The following PTGR1 variants were observed in gnomAD, a reference collection of about 807,000 sequenced individuals.
PTGR1 encodes 15-oxoprostaglandin 13-reductase.
In PTGR1, 23 loss-of-function variants were observed where a neutral mutation model predicts 37.7. The observed-to-expected ratio is 0.61, with a 90% CI of 0.44 to 0.86. PTGR1 has a LOEUF of 0.86. Among genes scored for constraint, PTGR1 ranks in the 40% least tolerant of loss-of-function variants. PTGR1 has a pLI of 0.00. For missense variants in PTGR1, 351 were observed against 394.3 expected (o/e 0.89, Z 0.93); for synonymous variants, 134 against 140.0 (o/e 0.96, Z 0.30).
At chr9:111,550,931 T>A (rs2132279050) in intron 9 of PTGR1, among the ~76,000 whole-genome samples, 1 of 152,326 alleles carries the variant, frequency 6.6e-6, no homozygotes, top group East Asian at 1.9e-4. Flanking sequence ...GTTTTCTGTC[T>A]CTCACACTGG....
At chr9:111,594,999 C>T (rs1829736737) in intron 2 of PTGR1, among the ~76,000 whole-genome samples, 1 of 151,606 alleles carries the variant, frequency 6.6e-6, no homozygotes, top group Non-Finnish European at 1.5e-5. Flanking sequence ...GGATTACAGG[C>T]GCCCACCACT....
downstream of PTGR1, among the ~76,000 whole-genome samples, chr9:111,558,289 T>G (rs888572762): frequency 6.6e-6 from 1 of 152,214 alleles, no homozygotes; most frequent in Non-Finnish European, 1.5e-5. Context: ...GGAGCTCAAA[T>G]TTTCCATGAT....
At chr9:111,597,890 T>C (rs1342075447) in intron 1 of PTGR1, among the ~76,000 whole-genome samples, 2 of 151,858 alleles carry the variant, frequency 1.3e-5, no homozygotes, top group East Asian at 3.9e-4. Context: ...TAGATAGAAG[T>C]CCATGCACCT....
At chr9:111,551,494 G>A (rs1589281889) in intron 9 of PTGR1, among the ~76,000 whole-genome samples, 2 of 125,592 alleles carry the variant, frequency 1.6e-5, no homozygotes, top group South Asian at 2.8e-4. Context: ...TGCAACCTCC[G>A]CCTCCTGGGT....
chr9:111,551,412 T>G (rs868845865), intron 9 of PTGR1, among the ~76,000 whole-genome samples: 1,615 of 139,938 alleles, frequency 0.012, 17 homozygotes, highest in Non-Finnish European at 0.017. Context: ...TTTTTTTTTT[T>G]TTTTTTTTTT....
At chr9:111,561,402 A>G (rs1387840922), downstream of PTGR1, among the ~76,000 whole-genome samples, 1 of 152,002 alleles carries the variant, frequency 6.6e-6, no homozygotes, top group African/African-American at 2.4e-5. Context: ...CAGCCTCCCA[A>G]GTAGCTGGGA....
At chr9:111,589,718 ACCT>A (rs1244946810) in intron 4 of PTGR1, among the ~76,000 whole-genome samples, 1 of 151,984 alleles carries the variant, frequency 6.6e-6, no homozygotes, top group Non-Finnish European at 1.5e-5. Context: ...GCTCACTGCA[ACCT>A]CCTCCTTGGT....
intron 9 of PTGR1, 31 bp downstream of exon 9, chr9:111,570,060 A>C (rs1424693616): frequency 3.1e-6 from 5 of 1,613,302 alleles, no homozygotes; most frequent in Admixed American, 1.7e-5. Flanking sequence ...CCTAGTGTAC[A>C]ATTGGAAGGG....
At chr9:111,550,559 A>G (rs1827910311) in intron 9 of PTGR1, among the ~76,000 whole-genome samples, 1 of 152,154 alleles carries the variant, frequency 6.6e-6, no homozygotes. Flanking sequence ...AGAAGCTACA[A>G]GTGTTCAGAT....
Position 111,576,322 on chromosome 9 carries a change from A to G in PTGR1, c.652-1480T>C, listed in dbSNP as rs577995012. 2.1e-5 allele frequency: 34 copies of G among 1,604,658 alleles called. No homozygotes were observed. The African/African-American group carries it at 2.8e-4, about 13-fold the overall frequency. On this transcript the variant is annotated intron_variant, in intron 7 of 9. Coordinates refer to ENST00000407693, the MANE Select transcript of PTGR1 (RefSeq NM_001146108.2). ...ACTACTTGCTAAAATTTTATTTGTAACCTCAAACCAGTACTCACTAAGCTT... is the reference window on the plus strand; with the variant it reads ...ACTACTTGCTAAAATTTTATTTGTAGCCTCAAACCAGTACTCACTAAGCTT...
At chr9:111,583,691 G>A (rs923046323) in intron 5 of PTGR1, 102 bp from the exon 6 acceptor site, 11 of 917,174 alleles carry the variant, frequency 1.2e-5, no homozygotes, top group Non-Finnish European at 1.9e-5. Flanking sequence ...AGTGCCATGG[G>A]TCCAAGTAAA....
downstream of PTGR1, among the ~76,000 whole-genome samples, chr9:111,561,654 G>A (rs1389867743): frequency 6.6e-6 from 1 of 152,156 alleles, no homozygotes; most frequent in African/African-American, 2.4e-5. Flanking sequence ...GTGCAGCTCT[G>A]TGAATGACAG....
intron 6 of PTGR1, among the ~76,000 whole-genome samples, 163 bp from the exon 7 acceptor site, chr9:111,579,114 A>C (rs1829190423): frequency 6.6e-6 from 1 of 151,578 alleles, no homozygotes; most frequent in Non-Finnish European, 1.5e-5. Flanking sequence ...CCCATAGGTG[A>C]AATCAGTCCC....
At chr9:111,597,456 C>G in intron 1 of PTGR1, 24 bp from the exon 2 acceptor site, 1 of 1,473,260 alleles carries the variant, frequency 6.8e-7, no homozygotes, top group Admixed American at 1.8e-5. Context: ...AATATGTAGT[C>G]AACTGCCATG....
At chr9:111,587,668 TC>T (rs1438636076) in intron 4 of PTGR1, among the ~76,000 whole-genome samples, 1 of 152,164 alleles carries the variant, frequency 6.6e-6, no homozygotes, top group Non-Finnish European at 1.5e-5. Flanking sequence ...GGCAGGATGG[TC>T]TTGATCTCTT....
At chr9:111,578,601 A>G (rs1018715033) in intron 7 of PTGR1, among the ~76,000 whole-genome samples, 195 bp downstream of exon 7, 10 of 152,162 alleles carry the variant, frequency 6.6e-5, no homozygotes, top group African/African-American at 1.9e-4. Context: ...GAGCTCAGGC[A>G]GTAATGGGAG....
chr9:111,594,842 G>A (rs1407166974), intron 2 of PTGR1, among the ~76,000 whole-genome samples: 1 of 140,832 alleles, frequency 7.1e-6, no homozygotes, highest in Non-Finnish European at 1.5e-5. Context: ...GAGCCACTGC[G>A]ACCGGCCTCT....
chr9:111,587,613 A>C (rs1829478306), intron 4 of PTGR1, among the ~76,000 whole-genome samples: 1 of 151,936 alleles, frequency 6.6e-6, no homozygotes, highest in Non-Finnish European at 1.5e-5. Context: ...CACTACGCCC[A>C]GCTAATTTTT....
chr9:111,591,927 TC>T (rs1419687768), intron 4 of PTGR1, among the ~76,000 whole-genome samples: 1 of 152,128 alleles, frequency 6.6e-6, no homozygotes, highest in East Asian at 1.9e-4. Context: ...GTGATGTGCT[TC>T]CCCCTGCAGA....
Sources: allele counts gnomAD v4.1 joint callset (sites outside exome capture counted in the v4.1 genomes callset), GRCh38; gene constraint gnomAD v4.1.1; transcripts MANE v1.5; gene names NCBI Gene and HGNC (gene_info 2026-07-23, HGNC 2026-07-21).